The following GCM1 variants were observed in gnomAD, a reference collection of about 807,000 sequenced individuals.
The protein encoded by GCM1 is GCM transcription factor 1, also known as chorion-specific transcription factor GCMa.
In GCM1, 2 loss-of-function variants were observed where a neutral mutation model predicts 25.7. The observed-to-expected ratio is 0.08, with a 90% CI of 0.03 to 0.24. The LOEUF (loss-of-function observed/expected upper bound fraction) is 0.24. Ranked by LOEUF, GCM1 falls within the 10% of genes least tolerant of loss-of-function variation. The probability of loss-of-function intolerance (pLI) is 1.00; values close to 1 mark genes in which losing one functional copy is unlikely to be tolerated. For missense variants in GCM1, 395 were observed against 538.7 expected, an observed-to-expected ratio of 0.73 and a Z score of 2.64; for synonymous variants, 183 against 195.7, an observed-to-expected ratio of 0.94 and a Z score of 0.54.
intron 2 of GCM1, among the ~76,000 whole-genome samples, chr6:53,141,238 G>A (rs1490217755): frequency 6.6e-6 from 1 of 152,132 alleles, no homozygotes; most frequent in Non-Finnish European, 1.5e-5. Context: ...AGTGTCTCCT[G>A]CATTTAAGTT....
chr6:53,139,022 A>G (rs1763838655), intron 2 of GCM1, among the ~76,000 whole-genome samples: 1 of 152,208 alleles, frequency 6.6e-6, no homozygotes, highest in Admixed American at 6.5e-5. Context: ...CTACATTATC[A>G]TATGATCATA....
chr6:53,141,497 C>T (rs1763872245), intron 2 of GCM1, among the ~76,000 whole-genome samples: 1 of 151,812 alleles, frequency 6.6e-6, no homozygotes. Flanking sequence ...ACCATCCTGG[C>T]TAACACGGTG....
rs1764002578 is a variant in GCM1 at position 53,148,787 on chromosome 6, G to GTAAAATTTTC, written c.-171_-170insGAAAATTTTA. 6.6e-6 allele frequency: 1 copy of GTAAAATTTTC among 152,164 alleles called. No homozygotes were observed. Among genetic ancestry groups the GTAAAATTTTC allele is most frequent in the Non-Finnish European group, 1.5e-5 (1 of 68,036 alleles). The allele number at this position is 152,164 out of a possible 1,614,324, so 9.4% of individuals were successfully genotyped here. A position where few individuals can be genotyped will look rare whatever the true frequency, so the allele number is the denominator to read the frequency against. ...TTCTTACGGAGAAGCAGACAGCACT[G>GTAAAATTTTC]TGTCGTGAAAATCTTACTGCTGGTT... On this transcript the variant is annotated 5_prime_UTR_variant, in exon 1 of 6. Transcript: ENST00000259803.
chr6:53,145,310 G>C (rs1376041306), intron 2 of GCM1, among the ~76,000 whole-genome samples: 1 of 152,218 alleles, frequency 6.6e-6, no homozygotes, highest in Non-Finnish European at 1.5e-5. Flanking sequence ...AACTTTGAAA[G>C]AGAAGGGAAG....
At position 53,134,142 on chromosome 6, in the gene GCM1, A is replaced by G; in HGVS notation, c.258T>C (p.Cys86=). ...AGATCTTGCGCCCCTCCTCTGCGAG[A>G]CAGTCGCGGCCGCACACCACCACAC... ...CLGVVVCGRD[C]LAEEGRKIYL... is the part of the protein sequence containing the mutation. The change falls in exon 3 of 6, where the codon TGT becomes TGC. Residue 86 remains cysteine (C), a synonymous_variant. Transcript: ENST00000259803. 6.2e-7 allele frequency: 1 copy of G among 1,614,060 alleles called. No individual in the cohort carries two copies. The highest frequency in any genetic ancestry group is 1.1e-5 in the South Asian group (1 of 91,062).
chr6:53,134,137 G>A lies in GCM1; in HGVS notation c.263C>T (p.Ala88Val), dbSNP rs1428441425. 1.9e-6 allele frequency: 3 copies of A among 1,614,092 alleles called. No homozygotes were observed. The highest frequency in any genetic ancestry group is 1.1e-5 in the South Asian group (1 of 91,084). Residue 88 changes from alanine (A) to valine (V), a missense_variant, in exon 3 of 6, where the codon GCA becomes GTA. Ala to Val is a moderately conservative substitution (Grantham distance 64, BLOSUM62 0). Transcript: ENST00000259803. ...CAGGTAGATCTTGCGCCCCTCCTCT[G>A]CGAGACAGTCGCGGCCGCACACCAC... ...GVVVCGRDCL[A>V]EEGRKIYLRP...
At position 53,128,645 on chromosome 6, in the gene GCM1, T is replaced by C; in HGVS notation, c.872A>G (p.His291Arg). The C allele has an allele frequency of 1.2e-6, 2 of 1,614,026 alleles. No individual in the cohort carries two copies. The highest frequency in any genetic ancestry group is 1.7e-6 in the Non-Finnish European group (2 of 1,179,886). The change falls in exon 6 of 6, where the codon CAT (histidine) becomes CGT (arginine). Residue 291 changes from histidine (H) to arginine (R), a missense_variant. By Grantham distance (29) the His-to-Arg change is conservative. Transcript: ENST00000259803. ...PPSASGVYSD[H>R]GDLQAWSKNA... Reference sequence around the variant, plus strand: ...TTTACTCCACGCTTGTAGATCGCCATGATCAGAGTAGACTCCGGAGGCAGA... The same window carrying C: ...TTTACTCCACGCTTGTAGATCGCCACGATCAGAGTAGACTCCGGAGGCAGA...
At chr6:53,141,120 T>A (rs1279366098) in intron 2 of GCM1, among the ~76,000 whole-genome samples, 2 of 152,236 alleles carry the variant, frequency 1.3e-5, no homozygotes, top group Non-Finnish European at 2.9e-5. Flanking sequence ...CTACATGGCA[T>A]TGATTCTCTA....
At chr6:53,139,495 C>CAAAAAAAAA (rs58094365) in intron 2 of GCM1, among the ~76,000 whole-genome samples, 1 of 105,832 alleles carries the variant, frequency 9.4e-6, no homozygotes, top group African/African-American at 3.6e-5. Context: ...ACCCCCATCT[C>CAAAAAAAAA]AAAAAAAAAA....
intron 2 of GCM1, 37 bp downstream of exon 2, chr6:53,145,521 C>A (rs1164092380): frequency 9.5e-7 from 1 of 1,055,626 alleles, no homozygotes; most frequent in South Asian, 1.3e-5. Flanking sequence ...ACTTCACAGC[C>A]CAATGTTGAA....
At chr6:53,138,933 T>G (rs1039514183) in intron 2 of GCM1, among the ~76,000 whole-genome samples, 1 of 152,242 alleles carries the variant, frequency 6.6e-6, no homozygotes, top group African/African-American at 2.4e-5. Context: ...TCAGAGGTTA[T>G]CTGAAGAAAT....
At chr6:53,142,747 G>C (rs1473426662) in intron 2 of GCM1, among the ~76,000 whole-genome samples, 1 of 151,902 alleles carries the variant, frequency 6.6e-6, no homozygotes, top group East Asian at 1.9e-4. Flanking sequence ...TAGGCACAAG[G>C]CTGACATTTC....
At position 53,147,425 on chromosome 6, in the gene GCM1, G is replaced by GT. The variant is rs70980807; in HGVS notation, c.-137+1328dup. The stretch of plus-strand genomic sequence containing the variant: ...TGAACTCTTTTCTTTAGTTTTTATT[G>GT]TTTTTTTTTTTTTTTTTTTTTTAAT... On this transcript the variant is annotated intron_variant, in intron 1 of 5. Coordinates refer to ENST00000259803, the MANE Select transcript of GCM1 (RefSeq NM_003643.4). Among the ~76,000 whole-genome samples, 258 of 93,540 alleles carry GT rather than the reference G, an allele frequency of 2.8e-3. 1 individual carries two copies. The highest frequency in any genetic ancestry group is 9.0e-3 in the South Asian group (22 of 2,440). The allele number at this position is 93,540 out of a possible 152,430, so 61.4% of individuals were successfully genotyped here.
At chr6:53,142,324 A>G (rs1163167372) in intron 2 of GCM1, among the ~76,000 whole-genome samples, 2 of 152,192 alleles carry the variant, frequency 1.3e-5, no homozygotes, top group Non-Finnish European at 2.9e-5. Context: ...TCAACCCCTG[A>G]AGGGCTTCAG....
In GCM1 at chr6:53,128,048, A is replaced by AAAAAAAAAAAAAAAAAC; in HGVS notation, c.*157_*158insGTTTTTTTTTTTTTTTT. The AAAAAAAAAAAAAAAAAC allele has an allele frequency of 3.1e-6, 1 of 321,048 alleles. No homozygotes were observed. Among genetic ancestry groups the AAAAAAAAAAAAAAAAAC allele is most frequent in the East Asian group, 6.1e-5 (1 of 16,510 alleles). 19.9% of individuals were successfully genotyped at this position (321,048 alleles called of 1,614,324 possible). A position where few individuals can be genotyped will look rare whatever the true frequency, so the allele number is the denominator to read the frequency against. On this transcript the variant is annotated 3_prime_UTR_variant, in exon 6 of 6. Coordinates refer to ENST00000259803, the MANE Select transcript of GCM1 (RefSeq NM_003643.4). ...TGTCTCAAAAAAAAAAAAAAAAAAA[A>AAAAAAAAAAAAAAAAAC]AAAAAGAAGGAAAAAAGAAAAAGAA...
chr6:53,147,440 T>A (rs1179658135), intron 1 of GCM1, among the ~76,000 whole-genome samples: 1 of 147,122 alleles, frequency 6.8e-6, no homozygotes, highest in African/African-American at 2.5e-5. Flanking sequence ...TTTTTTTTTT[T>A]TTTTTTTAAT....
In GCM1 at chr6:53,146,963, G is replaced by T. The variant is rs549789187; in HGVS notation, c.-136-1195C>A. Among the ~76,000 whole-genome samples the T allele has an allele frequency of 2.6e-5, 4 of 152,228 alleles. No individual in the cohort carries two copies. In the South Asian group the frequency reaches 8.3e-4, roughly 32 times the overall value. On this transcript the variant is annotated intron_variant, in intron 1 of 5. Coordinates refer to ENST00000259803, the MANE Select transcript of GCM1 (RefSeq NM_003643.4). Reference sequence around the variant, plus strand: ...GGTGGAGGATTACCCGAGCCCAGGAGGTTGAGGCTGCAGTGAGCCAAGATT... The same window carrying T: ...GGTGGAGGATTACCCGAGCCCAGGATGTTGAGGCTGCAGTGAGCCAAGATT...
chr6:53,132,249 C>G, intron 3 of GCM1, 130 bp from the exon 4 acceptor site: 1 of 662,408 alleles, frequency 1.5e-6, no homozygotes, highest in South Asian at 1.7e-5. Flanking sequence ...GTTTCATGGG[C>G]TGAAATCCAC....
chr6:53,145,396 A>G (rs935207884), intron 2 of GCM1, among the ~76,000 whole-genome samples, 162 bp downstream of exon 2: 5 of 152,332 alleles, frequency 3.3e-5, no homozygotes, highest in Non-Finnish European at 7.3e-5. Flanking sequence ...AGGTCTTGCC[A>G]TCTCTTCTTA....
Sources: allele counts gnomAD v4.1 joint callset (sites outside exome capture counted in the v4.1 genomes callset), GRCh38; gene constraint gnomAD v4.1.1; transcripts MANE v1.5; gene names NCBI Gene and HGNC (gene_info 2026-07-23, HGNC 2026-07-21).